The following CORO2B variants were observed in gnomAD, a reference collection of about 807,000 sequenced individuals.
CORO2B encodes coronin-2B.
A neutral mutation model predicts 58.8 loss-of-function variants in CORO2B; 26 were observed. The ratio of observed to expected loss-of-function variants is 0.44; its 90% CI spans 0.32 to 0.61. The LOEUF (loss-of-function observed/expected upper bound fraction) is 0.61, where lower values mean the gene tolerates loss of function less well. Ranked by LOEUF, CORO2B falls within the 20% of genes least tolerant of loss-of-function variation. The probability of loss-of-function intolerance (pLI) is 0.04; values close to 1 mark genes in which losing one functional copy is unlikely to be tolerated. For missense variants in CORO2B, 460 were observed against 645.1 expected (o/e 0.71, Z 3.11); for synonymous variants, 242 against 253.8 (o/e 0.95, Z 0.44).
At chr15:68,604,619 T>TAAA (rs58032591) in intron 1 of CORO2B, among the ~76,000 whole-genome samples, 1 of 145,686 alleles carries the variant, frequency 6.9e-6, no homozygotes, top group African/African-American at 2.5e-5. Flanking sequence ...AGTTGTGATT[T>TAAA]AAAAAAAAAA....
At chr15:68,707,842 T>G (rs1892818498) in intron 3 of CORO2B, among the ~76,000 whole-genome samples, 1 of 152,126 alleles carries the variant, frequency 6.6e-6, no homozygotes, top group Non-Finnish European at 1.5e-5. Context: ...TCTCAGTCAC[T>G]TCCAGACCAG....
chr15:68,627,335 A>G (rs905392728), intron 1 of CORO2B, among the ~76,000 whole-genome samples: 1 of 152,232 alleles, frequency 6.6e-6, no homozygotes, highest in Non-Finnish European at 1.5e-5. Flanking sequence ...GCAATGCACC[A>G]GGGCAGGGCA....
chr15:68,664,268 A>G, intron 2 of CORO2B, among the ~76,000 whole-genome samples: 1 of 152,176 alleles, frequency 6.6e-6, no homozygotes, highest in East Asian at 1.9e-4. Flanking sequence ...TGAAATGTTG[A>G]CAAAATTGCT....
chr15:68,619,597 G>A (rs1418795200), intron 1 of CORO2B, among the ~76,000 whole-genome samples: 1 of 152,086 alleles, frequency 6.6e-6, no homozygotes, highest in Non-Finnish European at 1.5e-5. Flanking sequence ...ACTACCAGTA[G>A]TACACAAGAT....
intron 3 of CORO2B, among the ~76,000 whole-genome samples, chr15:68,706,995 C>G (rs1892800622): frequency 1.3e-5 from 2 of 152,170 alleles, no homozygotes; most frequent in East Asian, 1.9e-4. Context: ...GAGACTCACT[C>G]TGTCGCCCAG....
At chr15:68,667,581 G>A (rs1902235313) in intron 2 of CORO2B, among the ~76,000 whole-genome samples, 2 of 152,220 alleles carry the variant, frequency 1.3e-5, no homozygotes, top group African/African-American at 4.8e-5. Flanking sequence ...TCTGCCTGAT[G>A]GCAAAGCTTT....
At chr15:68,625,428 C>A (rs1900649330) in intron 1 of CORO2B, among the ~76,000 whole-genome samples, 1 of 152,168 alleles carries the variant, frequency 6.6e-6, no homozygotes, top group African/African-American at 2.4e-5. Flanking sequence ...CTGAAATTCC[C>A]TCCTGTCCCT....
At chr15:68,576,165 A>AAG (rs1899282495), upstream of CORO2B, among the ~76,000 whole-genome samples, 1 of 142,362 alleles carries the variant, frequency 7.0e-6, no homozygotes, top group Non-Finnish European at 1.5e-5. Context: ...AAAAAAAAAA[A>AAG]AAAAAAAAAA....
At chr15:68,525,814 C>T in the CORO2B span, among the ~76,000 whole-genome samples, 1 of 152,080 alleles carries the variant, frequency 6.6e-6, no homozygotes, top group Non-Finnish European at 1.5e-5. Context: ...GCTGACAGTG[C>T]GATGAGTTTT....
chr15:68,579,341 C>CG, intron 1 of CORO2B, 64 bp downstream of exon 1: 13 of 1,227,046 alleles, frequency 1.1e-5, no homozygotes, highest in South Asian at 6.6e-5. Flanking sequence ...GGCTAGGCTG[C>CG]GGGGGGCGCG....
At chr15:68,642,003 A>G (rs1901260540) in intron 1 of CORO2B, among the ~76,000 whole-genome samples, 1 of 149,984 alleles carries the variant, frequency 6.7e-6, no homozygotes, top group Non-Finnish European at 1.5e-5. Context: ...TGCTGGGATT[A>G]CAAGAGTGAC....
chr15:68,625,853 C>A (rs1047363336), intron 1 of CORO2B, among the ~76,000 whole-genome samples: 21 of 152,152 alleles, frequency 1.4e-4, no homozygotes, highest in Non-Finnish European at 2.4e-4. Flanking sequence ...AATCTGCCCC[C>A]CTTGGCCTCC....
At chr15:68,542,023 G>A in the CORO2B span, among the ~76,000 whole-genome samples, 2 of 152,196 alleles carry the variant, frequency 1.3e-5, no homozygotes, top group South Asian at 2.1e-4. Flanking sequence ...AAGCTGGGAC[G>A]GTCACAGGGA....
At chr15:68,668,939 G>A (rs193220773) in intron 2 of CORO2B, among the ~76,000 whole-genome samples, 405 of 152,138 alleles carry the variant, frequency 2.7e-3, no homozygotes, top group Middle Eastern at 6.8e-3. Flanking sequence ...TTAGCTGGGC[G>A]TGGTGGCATG....
At chr15:68,692,785 C>T (rs1402231461) in intron 2 of CORO2B, among the ~76,000 whole-genome samples, 1 of 151,264 alleles carries the variant, frequency 6.6e-6, no homozygotes, top group Non-Finnish European at 1.5e-5. Context: ...AGGTGCCCAC[C>T]ACCATGCCTG....
At chr15:68,518,681 C>T in the CORO2B span, among the ~76,000 whole-genome samples, 5 of 152,070 alleles carry the variant, frequency 3.3e-5, no homozygotes, top group East Asian at 3.9e-4. Flanking sequence ...AAACAGGCTT[C>T]GGGCTGATCT....
intron 2 of CORO2B, among the ~76,000 whole-genome samples, chr15:68,654,840 C>T (rs1901754063): frequency 6.6e-6 from 1 of 152,222 alleles, no homozygotes; most frequent in Non-Finnish European, 1.5e-5. Context: ...GAGCCTGTGG[C>T]CAGCAAGTGT....
At chr15:68,725,820 C>T (rs759453814) in intron 11 of CORO2B, 23 bp from the exon 12 acceptor site, 3 of 1,612,168 alleles carry the variant, frequency 1.9e-6, no homozygotes, top group African/African-American at 1.3e-5. Context: ...CCCTCCTTGG[C>T]CCCCTCTCTT....
rs1178851674 is a variant in CORO2B, at chr15:68,710,632, G to T, written c.334-100G>T. On this transcript the variant is annotated intron_variant, in intron 3 of 11. Coordinates refer to ENST00000261861, the MANE Select transcript of CORO2B (RefSeq NM_006091.5). The surrounding 1 kb of genome is among the most constrained non-coding windows in gnomAD (Gnocchi z 4.1). ...CTCAAGCCAGGAGGTGGCTCATCAG[G>T]CAGATCTCAGAAAGCCTGGTGTCCG... 2 of 1,347,810 alleles carry T rather than the reference G, an allele frequency of 1.5e-6. No homozygotes were observed. The highest frequency in any genetic ancestry group is 2.8e-5 in the Admixed American group (1 of 35,332). 83.5% of individuals were successfully genotyped at this position (1,347,810 alleles called of 1,614,324 possible).
Sources: gnomAD v4.1 joint callset for allele counts (sites outside exome capture counted in the v4.1 genomes callset) on GRCh38, gnomAD v4.1.1 for gene constraint, Gnocchi (gnomAD v3.1) non-coding constraint, MANE v1.5 for transcripts, NCBI Gene and HGNC (gene_info 2026-07-23, HGNC 2026-07-21) for gene names.